CSMD1: variants seen among roughly 807,000 people sequenced by gnomAD.
CSMD1 encodes CUB and sushi domain-containing protein 1.
CSMD1 carries 213 observed loss-of-function variants against 417.5 expected under a neutral mutation model. The ratio of observed to expected loss-of-function variants is 0.51; its 90% CI spans 0.46 to 0.57. The LOEUF (loss-of-function observed/expected upper bound fraction) is 0.57. CSMD1 is among the 20% of genes least tolerant of loss of function. The pLI is 0.00. For synonymous variants in CSMD1, 2,862 were observed against 1,736.8 expected (o/e 1.65, Z -16.11); for missense variants, 6,923 against 4,529.7 (o/e 1.53, Z -15.17).
chr8:3,216,499 T>C (rs1797888109), intron 29 of CSMD1, among the ~76,000 whole-genome samples: 1 of 152,204 alleles, frequency 6.6e-6, no homozygotes, highest in Admixed American at 6.5e-5. Context: ...TCTCTTTTAG[T>C]CTAGTTTCCT....
chr8:3,772,448 CACAT>C lies in CSMD1; in HGVS notation c.819-18410_819-18407del, dbSNP rs1798643264. 6.0e-5 allele frequency among the ~76,000 whole-genome samples: 5 copies of C among 83,576 alleles called. 1 individual carries two copies. Among genetic ancestry groups the C allele is most frequent in the African/African-American group, 1.2e-4 (2 of 16,532 alleles). 54.8% of individuals were successfully genotyped at this position (83,576 alleles called of 152,430 possible). ...ACATATATACATACATTTATATATACACATATATATACATATATACACATATATA... is the reference window on the plus strand; with the variant it reads ...ACATATATACATACATTTATATATACATATATACATATATACACATATATA... On this transcript the variant is annotated intron_variant, in intron 5 of 69. Transcript: ENST00000635120.
intron 3 of CSMD1, among the ~76,000 whole-genome samples, chr8:4,056,691 C>G (rs932540418): frequency 6.6e-6 from 1 of 152,000 alleles, no homozygotes; most frequent in African/African-American, 2.4e-5. Flanking sequence ...CCCACTCCCC[C>G]CACCCCACAA....
chr8:4,142,088 C>G (rs977740716), intron 3 of CSMD1, among the ~76,000 whole-genome samples: 1 of 150,808 alleles, frequency 6.6e-6, no homozygotes, highest in East Asian at 1.9e-4. Context: ...CATACTGGAA[C>G]ATTCCCTAAT....
intron 3 of CSMD1, among the ~76,000 whole-genome samples, chr8:4,348,205 A>G (rs1189269271): frequency 2.0e-5 from 3 of 152,124 alleles, no homozygotes; most frequent in Non-Finnish European, 4.4e-5. Context: ...TGCTGGGAAA[A>G]TGTATATAAG....
chr8:4,122,149 G>C (rs541063682), intron 3 of CSMD1, among the ~76,000 whole-genome samples: 40 of 152,178 alleles, frequency 2.6e-4, no homozygotes, highest in African/African-American at 8.2e-4. Context: ...ATGTCGCTAA[G>C]TTATTTTCCT....
At position 2,951,281 on chromosome 8, in the gene CSMD1, G is replaced by C; in HGVS notation, c.10040-6C>G. ...GAAAAAGACATCTGAAGGAACTGTG[G>C]GAAGGGGGGAAACAGACCAATGTCA... is the stretch of plus-strand genomic sequence containing the variant. On this transcript the variant is annotated splice_region_variant and splice_polypyrimidine_tract_variant and intron_variant, in intron 65 of 69. Transcript: ENST00000635120. 1 of 1,596,926 alleles carries C rather than the reference G, an allele frequency of 6.3e-7. No individual in the cohort carries two copies. Among genetic ancestry groups the C allele is most frequent in the Non-Finnish European group, 8.5e-7 (1 of 1,171,122 alleles).
intron 2 of CSMD1, among the ~76,000 whole-genome samples, chr8:4,577,596 G>A (rs180804905): frequency 6.6e-5 from 10 of 152,290 alleles, no homozygotes; most frequent in Admixed American, 4.6e-4. Flanking sequence ...GCAGGATCCA[G>A]TATCTCTTCT....
At chr8:3,865,313 C>T (rs1805008476) in intron 5 of CSMD1, among the ~76,000 whole-genome samples, 1 of 152,180 alleles carries the variant, frequency 6.6e-6, no homozygotes, top group South Asian at 2.1e-4. Flanking sequence ...GACATACGCA[C>T]TCAATTTTTA....
intron 2 of CSMD1, among the ~76,000 whole-genome samples, chr8:4,518,873 C>G (rs947431253): frequency 6.6e-6 from 1 of 152,036 alleles, no homozygotes; most frequent in South Asian, 2.1e-4. Context: ...AGCCAATACT[C>G]TTCAAAGGTT....
intron 1 of CSMD1, among the ~76,000 whole-genome samples, chr8:4,764,906 A>ACAAC (rs202247709): frequency 2.9e-4 from 43 of 147,874 alleles, no homozygotes; most frequent in Non-Finnish European, 4.9e-4. Flanking sequence ...AACAACAACA[A>ACAAC]AAAAAAACCT....
At chr8:4,806,289 T>TA (rs1242141402) in intron 1 of CSMD1, among the ~76,000 whole-genome samples, 1 of 152,106 alleles carries the variant, frequency 6.6e-6, no homozygotes, top group Non-Finnish European at 1.5e-5. Flanking sequence ...CAAGTCCCGC[T>TA]ACACCCTAGG....
intron 10 of CSMD1, among the ~76,000 whole-genome samples, chr8:3,551,046 T>A (rs940105592): frequency 6.6e-6 from 1 of 152,150 alleles, no homozygotes; most frequent in Non-Finnish European, 1.5e-5. Flanking sequence ...CTAAATGTAA[T>A]TGCCACTCTC....
chr8:4,660,426 A>G (rs1804523610), intron 1 of CSMD1, among the ~76,000 whole-genome samples: 1 of 152,118 alleles, frequency 6.6e-6, no homozygotes. Flanking sequence ...AAAAGTAAAC[A>G]TAGGAAAGAT....
intron 3 of CSMD1, among the ~76,000 whole-genome samples, chr8:4,044,802 C>G (rs1798066346): frequency 1.3e-5 from 2 of 152,248 alleles, no homozygotes; most frequent in East Asian, 1.9e-4. Context: ...GTGTACCACC[C>G]TGGATGTGAA....
intron 45 of CSMD1, chr8:3,107,299 T>C (rs542515987): frequency 6.3e-6 from 1 of 159,200 alleles, no homozygotes; most frequent in East Asian, 1.9e-4. Context: ...CCAGTTTCAA[T>C]GAAATGTCAC....
chr8:3,303,111 G>A (rs1423324092), intron 25 of CSMD1, among the ~76,000 whole-genome samples: 1 of 152,162 alleles, frequency 6.6e-6, no homozygotes, highest in Admixed American at 6.5e-5. Flanking sequence ...TAAGGGAAGG[G>A]TCTATAGTGA....
intron 12 of CSMD1, among the ~76,000 whole-genome samples, chr8:3,430,129 A>C (rs1175388360): frequency 6.6e-6 from 1 of 152,244 alleles, no homozygotes. Flanking sequence ...ACACACATAC[A>C]TATACATACA....
At chr8:4,142,924 G>A (rs1427027017) in intron 3 of CSMD1, among the ~76,000 whole-genome samples, 2 of 150,714 alleles carry the variant, frequency 1.3e-5, no homozygotes, top group East Asian at 1.9e-4. Context: ...TAGGTCATAT[G>A]TTGAAGTATT....
intron 41 of CSMD1, among the ~76,000 whole-genome samples, chr8:3,131,100 A>G (rs1817768804): frequency 6.6e-6 from 1 of 152,234 alleles, no homozygotes. Context: ...CTTACTGTAT[A>G]AAATAAAATA....
Sources: gnomAD v4.1 joint callset for allele counts (sites outside exome capture counted in the v4.1 genomes callset) on GRCh38, gnomAD v4.1.1 for gene constraint, MANE v1.5 for transcripts, NCBI Gene and HGNC (gene_info 2026-07-23, HGNC 2026-07-21) for gene names.